GLI2: variants seen among roughly 807,000 people sequenced by gnomAD.
GLI2 encodes the protein transcription activator GLI2.
A neutral mutation model predicts 78.9 loss-of-function variants in GLI2; 22 were observed. That is an observed-to-expected ratio of 0.28 (90% CI 0.20 to 0.40). GLI2 has a LOEUF of 0.40. GLI2 is among the 10% of genes least tolerant of loss of function. GLI2 has a pLI of 1.00. For missense variants in GLI2, 2,097 were observed against 2,213.2 expected (o/e 0.95, Z 1.05); for synonymous variants, 974 against 963.7 (o/e 1.01, Z -0.20).
intron 9 of GLI2, among the ~76,000 whole-genome samples, chr2:120,977,947 C>A (rs528631887): frequency 4.7e-4 from 72 of 152,328 alleles, no homozygotes; most frequent in Admixed American, 3.7e-3. Flanking sequence ...TATTTACAAA[C>A]CTCTGAAACA....
chr2:120,864,632 C>G (rs1402312244), intron 2 of GLI2, among the ~76,000 whole-genome samples: 2 of 152,212 alleles, frequency 1.3e-5, no homozygotes, highest in African/African-American at 2.4e-5. Context: ...CCACCACACC[C>G]AGCTAATTTT....
chr2:120,822,094 C>G (rs953749062), intron 2 of GLI2, among the ~76,000 whole-genome samples: 21 of 152,348 alleles, frequency 1.4e-4, no homozygotes, highest in African/African-American at 4.3e-4. Context: ...CCAGTGATAG[C>G]TGGACGAGAC....
intron 4 of GLI2, 148 bp from the exon 5 acceptor site, chr2:120,955,097 G>A (rs1681178185): frequency 1.5e-6 from 1 of 670,454 alleles, no homozygotes; most frequent in Admixed American, 2.4e-5. Context: ...CAGTGGGGCA[G>A]TGGGGGAAAA....
At chr2:120,984,827 G>A in intron 12 of GLI2, 84 bp downstream of exon 12, 3 of 1,413,700 alleles carry the variant, frequency 2.1e-6, no homozygotes, top group Non-Finnish European at 3.0e-6. Flanking sequence ...TGCGGGCTCT[G>A]CCCTAAGGCC....
chr2:120,915,317 G>A (rs1679038378), intron 2 of GLI2, among the ~76,000 whole-genome samples: 1 of 152,272 alleles, frequency 6.6e-6, no homozygotes, highest in African/African-American at 2.4e-5. Context: ...GCCTCAGCCA[G>A]CCGGACACCA....
chr2:120,850,532 A>G (rs1196173900), intron 2 of GLI2, among the ~76,000 whole-genome samples: 2 of 152,216 alleles, frequency 1.3e-5, no homozygotes, highest in Non-Finnish European at 2.9e-5. Flanking sequence ...CCTTCTGTAT[A>G]TCTTTGGCCT....
rs1684445843 is a variant in GLI2, at chr2:120,797,384, G to A, written c.64G>A (p.Ala22Thr). The A allele has an allele frequency of 2.5e-6, 4 of 1,614,082 alleles. No homozygotes were observed. Among genetic ancestry groups the A allele is most frequent in the Non-Finnish European group, 2.5e-6 (3 of 1,179,956 alleles). Residue 22 changes from alanine (A) to threonine (T), a missense_variant, in exon 2 of 14, where the codon GCC becomes ACC. Coordinates refer to ENST00000361492, the MANE Select transcript of GLI2 (RefSeq NM_001374353.1). ...KQEAKSGILE[A>T]AGFPDPGKKA... ...AGAAGCCAAAAGTGGGATCCTGGAG[G>A]CCGCTGGCTTCCCCGACCCGGGTAA...
chr2:120,969,985 C>T (rs1682055667), intron 6 of GLI2, among the ~76,000 whole-genome samples: 1 of 152,158 alleles, frequency 6.6e-6, no homozygotes, highest in South Asian at 2.1e-4. Flanking sequence ...ATAATGCAAG[C>T]TGGGGGGCTC....
chr2:120,754,622 T>C (rs1682983041), intron 1 of GLI2, among the ~76,000 whole-genome samples: 1 of 152,246 alleles, frequency 6.6e-6, no homozygotes, highest in Non-Finnish European at 1.5e-5. Context: ...TGCTGAGTAG[T>C]AGTTCATCAT....
intron 1 of GLI2, among the ~76,000 whole-genome samples, chr2:120,787,247 G>T (rs1335224982): frequency 6.6e-6 from 1 of 152,226 alleles, no homozygotes; most frequent in Non-Finnish European, 1.5e-5. Context: ...GTGGAATGGG[G>T]GTGGGGCAGG....
rs1684010206 is a variant in GLI2 at position 120,786,791 on chromosome 2, GACCTAA to G, written c.-30-10499_-30-10494del. Among the ~76,000 whole-genome samples the G allele has an allele frequency of 2.0e-5, 3 of 152,282 alleles. No individual in the cohort carries two copies. The East Asian group carries it at 5.8e-4, about 29-fold the overall frequency. The stretch of plus-strand genomic sequence containing the variant: ...AGAAGTCGATTACTGCACTTTTCCT[GACCTAA>G]GAGATAGCCTGATGCCTTCTCCAAC... On this transcript the variant is annotated intron_variant, in intron 1 of 13. Transcript: ENST00000361492.
chr2:120,948,577 G>A (rs1680827432), intron 3 of GLI2, among the ~76,000 whole-genome samples: 1 of 152,218 alleles, frequency 6.6e-6, no homozygotes, highest in South Asian at 2.1e-4. Context: ...TGTGCATGTG[G>A]CTGTGACAAC....
intron 9 of GLI2, among the ~76,000 whole-genome samples, chr2:120,977,728 G>T (rs1243879245): frequency 2.0e-5 from 3 of 152,164 alleles, no homozygotes; most frequent in African/African-American, 7.2e-5. Flanking sequence ...CACTTGCCTG[G>T]GGCCGTTTTC....
At chr2:120,857,214 G>A (rs569282235) in intron 2 of GLI2, among the ~76,000 whole-genome samples, 20 of 152,216 alleles carry the variant, frequency 1.3e-4, no homozygotes, top group Admixed American at 2.6e-4. Flanking sequence ...GAGGAGTGAG[G>A]TGGGGAGGAG....
At chr2:120,863,046 C>T (rs1411046467) in intron 2 of GLI2, among the ~76,000 whole-genome samples, 1 of 152,196 alleles carries the variant, frequency 6.6e-6, no homozygotes, top group East Asian at 1.9e-4. Flanking sequence ...GCTTCATAGG[C>T]CTGCAAGGTG....
chr2:120,788,869 G>A (rs192986530), intron 1 of GLI2, among the ~76,000 whole-genome samples: 1 of 152,200 alleles, frequency 6.6e-6, no homozygotes, highest in Non-Finnish European at 1.5e-5. Flanking sequence ...AAGAGGTGGG[G>A]ACAGCAGGCA....
rs140202171 is a variant in GLI2 at position 120,762,862 on chromosome 2, A to G, written c.-31+26577A>G. Among the ~76,000 whole-genome samples the G allele has an allele frequency of 5.2e-4, 79 of 152,350 alleles. 1 individual carries two copies. The East Asian group carries it at 0.011, about 22-fold the overall frequency. On this transcript the variant is annotated intron_variant, in intron 1 of 13. Transcript: ENST00000361492. The stretch of plus-strand genomic sequence containing the variant: ...GAGGGCCCTTGGTTCAGAAGTGGAC[A>G]GAAGTGGAGTCCTGAGCTGAGTGTT...
At chr2:120,881,493 C>A (rs1677121197) in intron 2 of GLI2, among the ~76,000 whole-genome samples, 1 of 106,358 alleles carries the variant, frequency 9.4e-6, no homozygotes. Flanking sequence ...GTGGGGAAGA[C>A]AGTGGGGAGA....
At position 120,842,475 on chromosome 2, in the gene GLI2, G is replaced by T. The variant is rs149929273; in HGVS notation, c.148+45007G>T. Among the ~76,000 whole-genome samples the T allele has an allele frequency of 5.5e-3, 830 of 152,124 alleles. 5 individuals are homozygous for T. Among genetic ancestry groups the T allele is most frequent in the African/African-American group, 0.019 (791 of 41,490 alleles). On this transcript the variant is annotated intron_variant, in intron 2 of 13. Transcript: ENST00000361492. ...GTGGACAGACTGTAATTTATTTAAC[G>T]AGTCTCCCTCTGATGGATATTTAGA...
Sources: allele counts gnomAD v4.1 joint callset (sites outside exome capture counted in the v4.1 genomes callset), GRCh38; gene constraint gnomAD v4.1.1; transcripts MANE v1.5; gene names NCBI Gene and HGNC (gene_info 2026-07-23, HGNC 2026-07-21).